The following HSD17B13 variants were observed in gnomAD, a reference collection of about 807,000 sequenced individuals.
The protein encoded by HSD17B13 is 17-beta-hydroxysteroid dehydrogenase 13.
In HSD17B13, 26 loss-of-function variants were observed where a neutral mutation model predicts 31.1. The ratio of observed to expected loss-of-function variants is 0.84; its 90% CI spans 0.61 to 1.16. HSD17B13 has a LOEUF of 1.16. Ranked by LOEUF, HSD17B13 falls within the 50% of genes most tolerant of loss-of-function variation. HSD17B13 has a pLI of 0.00. For synonymous variants in HSD17B13, 141 were observed against 133.7 expected, an observed-to-expected ratio of 1.05 and a Z score of -0.38; for missense variants, 374 against 366.5, an observed-to-expected ratio of 1.02 and a Z score of -0.17.
At chr4:87,309,428 T>C (rs1734476717) in intron 6 of HSD17B13, among the ~76,000 whole-genome samples, 1 of 150,810 alleles carries the variant, frequency 6.6e-6, no homozygotes, top group Admixed American at 6.6e-5. Context: ...TGAAATACTT[T>C]GGAATAAATC....
chr4:87,310,189 A>AGC, intron 6 of HSD17B13, 54 bp downstream of exon 6: 5 of 1,353,368 alleles, frequency 3.7e-6, no homozygotes, highest in Non-Finnish European at 3.8e-6. Context: ...AAAAAAAGCA[A>AGC]AAAAAAAAGC....
chr4:87,317,743 C>G lies in HSD17B13; in HGVS notation c.319-520G>C, dbSNP rs139379809. On this transcript the variant is annotated intron_variant, in intron 2 of 6. Coordinates refer to ENST00000328546, the MANE Select transcript of HSD17B13 (RefSeq NM_178135.5). ...GGTTGAGAAATCCTGGTTTCATAAC[C>G]TAATAACTACATGACCTGGGTCTGG... Among the ~76,000 whole-genome samples, 200 of 151,480 alleles carry G rather than the reference C, an allele frequency of 1.3e-3. 1 individual carries two copies. The highest frequency in any genetic ancestry group is 2.4e-3 in the Non-Finnish European group (164 of 67,882).
At chr4:87,308,584 G>C (rs1038710032) in intron 6 of HSD17B13, among the ~76,000 whole-genome samples, 2 of 147,770 alleles carry the variant, frequency 1.4e-5, no homozygotes, top group Non-Finnish European at 3.0e-5. Context: ...GGGAGGCTGA[G>C]GCAGGAGAAT....
rs755020585 is a variant in HSD17B13 at position 87,322,837 on chromosome 4, T to A, written c.5A>T (p.Asn2Ile). ...AAGCAGAAGGATTTCTAGGATGATG[T>A]TCATGGCTTTGCTCTGTCCTCTTCC... The part of the protein sequence containing the change: M[N>I]IILEILLLLI... The change falls in exon 1 of 7, where the codon AAC (asparagine) becomes ATC (isoleucine). Residue 2 changes from asparagine (N) to isoleucine (I), a missense_variant. Transcript: ENST00000328546. 2 of 1,613,790 alleles carry A rather than the reference T, an allele frequency of 1.2e-6. No homozygotes were observed. Among genetic ancestry groups the A allele is most frequent in the African/African-American group, 1.3e-5 (1 of 75,038 alleles).
intron 1 of HSD17B13, 68 bp from the exon 2 acceptor site, chr4:87,318,504 G>T: frequency 7.4e-7 from 1 of 1,349,280 alleles, no homozygotes; most frequent in Non-Finnish European, 1.1e-6. Context: ...AAAATTTTTA[G>T]ACAATTAACA....
At chr4:87,317,833 T>A (rs1734690028) in intron 2 of HSD17B13, among the ~76,000 whole-genome samples, 1 of 152,068 alleles carries the variant, frequency 6.6e-6, no homozygotes, top group Non-Finnish European at 1.5e-5. Flanking sequence ...ATTGTAGGGA[T>A]TGAATTAAAA....
Position 87,310,307 on chromosome 4 carries a change from T to G in HSD17B13, c.748A>C (p.Ile250Leu). The change falls in exon 6 of 7, where the codon ATA (isoleucine) becomes CTA (leucine). Residue 250 changes from isoleucine to leucine, a missense_variant. Physicochemically the swap from Ile to Leu is conservative, Grantham distance 5. Coordinates refer to ENST00000328546, the MANE Select transcript of HSD17B13 (RefSeq NM_178135.5). ...AAAATCATTTTCTTATTGGTAAGTA[T>G]TCCATCTATCAGACTTCTTACGACT... The part of the protein sequence containing the change: ...DEVVRSLIDG[I>L]LTNKKMIFVP... The G allele has an allele frequency of 6.3e-7, 1 of 1,579,338 alleles. No homozygotes were observed. Among genetic ancestry groups the G allele is most frequent in the Non-Finnish European group, 8.6e-7 (1 of 1,167,118 alleles).
chr4:87,317,569 T>TTTTTTTC lies in HSD17B13; in HGVS notation c.319-347_319-346insGAAAAAA, dbSNP rs1401993882. Among the ~76,000 whole-genome samples the TTTTTTTC allele has an allele frequency of 1.2e-4, 14 of 119,662 alleles. 1 individual carries two copies. The highest frequency in any genetic ancestry group is 3.8e-3 in the Middle Eastern group (1 of 266). 78.5% of individuals were successfully genotyped at this position (119,662 alleles called of 152,430 possible). The stretch of plus-strand genomic sequence containing the variant: ...AAATGTGTTTTTCTTTAAACTTTTT[T>TTTTTTTC]TTTTTTTTTTTTTTTTTTTTTTAGA... On this transcript the variant is annotated intron_variant, in intron 2 of 6. Coordinates refer to ENST00000328546, the MANE Select transcript of HSD17B13 (RefSeq NM_178135.5).
chr4:87,318,243 G>T, intron 2 of HSD17B13, 86 bp downstream of exon 2: 1 of 954,044 alleles, frequency 1.0e-6, no homozygotes, highest in Admixed American at 1.9e-5. Flanking sequence ...TTTAAATCAG[G>T]CAGTCATAAA....
At chr4:87,311,216 T>C (rs919682887) in intron 5 of HSD17B13, among the ~76,000 whole-genome samples, 4 of 152,180 alleles carry the variant, frequency 2.6e-5, no homozygotes, top group African/African-American at 9.7e-5. Context: ...GGAAAACTCA[T>C]GAATAATCCA....
chr4:87,321,403 A>G (rs1339641776), intron 1 of HSD17B13, among the ~76,000 whole-genome samples: 1 of 152,212 alleles, frequency 6.6e-6, no homozygotes, highest in African/African-American at 2.4e-5. Flanking sequence ...AATTTAAAAA[A>G]AACTTAATAA....
At chr4:87,319,777 A>C (rs1395876798) in intron 1 of HSD17B13, among the ~76,000 whole-genome samples, 1 of 152,260 alleles carries the variant, frequency 6.6e-6, no homozygotes, top group Non-Finnish European at 1.5e-5. Context: ...AAACTTGCCC[A>C]TAACCATAGG....
Position 87,312,615 on chromosome 4 carries a change from C to T in HSD17B13, c.695+1208G>A, listed in dbSNP as rs527857203. ...CGCGATCTCGGCTCACTGCAAGCTC[C>T]GCCTCCCGGGTTCACGCCATTCTCC... On this transcript the variant is annotated intron_variant, in intron 5 of 6. Transcript: ENST00000328546. Among the ~76,000 whole-genome samples the T allele has an allele frequency of 7.2e-3, 1,069 of 148,548 alleles. 7 individuals carry two copies. Among genetic ancestry groups the T allele is most frequent in the African/African-American group, 0.024 (979 of 40,348 alleles).
intron 1 of HSD17B13, 128 bp downstream of exon 1, chr4:87,322,503 TA>T (rs1384546671): frequency 7.6e-5 from 53 of 700,258 alleles, no homozygotes; most frequent in Admixed American, 1.7e-4. Flanking sequence ...ATATACAGAC[TA>T]AGGGACCAGG....
intron 5 of HSD17B13, among the ~76,000 whole-genome samples, chr4:87,311,250 GA>G (rs1177523730): frequency 1.3e-5 from 2 of 152,162 alleles, no homozygotes; most frequent in Non-Finnish European, 2.9e-5. Context: ...ATATAATCAA[GA>G]AGTAACTCTA....
Position 87,320,358 on chromosome 4 carries a change from G to C in HSD17B13, c.211-1922C>G, listed in dbSNP as rs1025738309. Among the ~76,000 whole-genome samples, 7 of 147,096 alleles carry C rather than the reference G, an allele frequency of 4.8e-5. No individual in the cohort carries two copies. The East Asian group carries it at 1.2e-3, about 26-fold the overall frequency. ...TACCAGAGCATTCATCAGATGTTTT[G>C]ATTGAAGAATTAATTATTCTTCAGT... On this transcript the variant is annotated intron_variant, in intron 1 of 6. Transcript: ENST00000328546.
intron 3 of HSD17B13, 60 bp from the exon 4 acceptor site, chr4:87,315,659 G>A: frequency 9.5e-7 from 1 of 1,047,212 alleles, no homozygotes; most frequent in Non-Finnish European, 1.4e-6. Flanking sequence ...TTCCAAATCA[G>A]GTAGTTTTAT....
intron 2 of HSD17B13, among the ~76,000 whole-genome samples, 184 bp downstream of exon 2, chr4:87,318,141 TAATG>T (rs1471878045): frequency 1.3e-5 from 2 of 152,182 alleles, no homozygotes; most frequent in African/African-American, 4.8e-5. Context: ...TGAACAATAA[TAATG>T]GGCAGAGCTG....
chr4:87,305,746 A>G (rs1297469703), intron 6 of HSD17B13, among the ~76,000 whole-genome samples: 1 of 152,118 alleles, frequency 6.6e-6, no homozygotes, highest in Non-Finnish European at 1.5e-5. Context: ...TGCCTAAACA[A>G]ACACTATTTT....
Sources: gnomAD v4.1 joint callset for allele counts (sites outside exome capture counted in the v4.1 genomes callset) on GRCh38, gnomAD v4.1.1 for gene constraint, MANE v1.5 for transcripts, NCBI Gene and HGNC (gene_info 2026-07-23, HGNC 2026-07-21) for gene names.